The following NASP variants were observed in gnomAD, a reference collection of about 807,000 sequenced individuals.
NASP encodes the protein NASP histone chaperone.
NASP carries 24 observed loss-of-function variants against 89.5 expected under a neutral mutation model. The observed-to-expected ratio is 0.27, with a 90% CI of 0.19 to 0.38. The LOEUF is 0.38. Ranked by LOEUF, NASP falls within the 10% of genes least tolerant of loss-of-function variation. NASP has a pLI of 1.00. For missense variants in NASP, 848 were observed against 921.4 expected (o/e 0.92, Z 1.03); for synonymous variants, 306 against 324.7 (o/e 0.94, Z 0.62).
At chr1:45,599,571 G>A (rs563359118) in intron 2 of NASP, among the ~76,000 whole-genome samples, 1 of 152,164 alleles carries the variant, frequency 6.6e-6, no homozygotes, top group African/African-American at 2.4e-5. Context: ...GGGACTACAG[G>A]CACACACCAC....
chr1:45,617,958 T>C, intron 14 of NASP, 103 bp from the exon 15 acceptor site: 2 of 997,180 alleles, frequency 2.0e-6, no homozygotes, highest in African/African-American at 1.6e-5. Context: ...CAAAGCAGAG[T>C]TTGGGTGACT....
intron 6 of NASP, chr1:45,611,867 TTTTTTTTTTTG>T (rs1158954504): frequency 7.0e-6 from 1 of 143,778 alleles, no homozygotes; most frequent in Non-Finnish European, 1.5e-5. Context: ...TTTTTTTTTT[TTTTTTTTTTTG>T]AGACGGAGTC....
intron 11 of NASP, among the ~76,000 whole-genome samples, chr1:45,616,045 A>G (rs1247854109): frequency 1.3e-5 from 2 of 152,252 alleles, no homozygotes; most frequent in Non-Finnish European, 2.9e-5. Flanking sequence ...TTAATGAGGC[A>G]TTGAGAGGCA....
At chr1:45,586,097 A>G (rs1213098464) in intron 1 of NASP, among the ~76,000 whole-genome samples, 1 of 141,724 alleles carries the variant, frequency 7.1e-6, no homozygotes, top group African/African-American at 2.6e-5. Context: ...AAAGCAAACC[A>G]TTTAGTTCCT....
At chr1:45,602,117 T>TA (rs1643862367) in intron 2 of NASP, 138 bp from the exon 3 acceptor site, 1 of 994,386 alleles carries the variant, frequency 1.0e-6, no homozygotes, top group African/African-American at 1.6e-5. Context: ...TTTGTGATGG[T>TA]AAATAAGTGT....
chr1:45,606,534 G>A lies in NASP; in HGVS notation c.352G>A (p.Glu118Lys), dbSNP rs764874287. Residue 118 changes from glutamate to lysine, a missense_variant, in exon 5 of 15, where the codon GAA becomes AAA. Glu to Lys is a moderately conservative substitution (Grantham distance 56). This residue lies in a region of NASP where 464 missense variants were observed against 469.4 expected (regional missense o/e 0.99). Transcript: ENST00000350030. Reference sequence around the variant, plus strand: ...CTTGGAAGGTGTGCATGTGGAAGAGGAAGAAGGAGAAAAAACAGAAGATGA... The same window carrying A: ...CTTGGAAGGTGTGCATGTGGAAGAGAAAGAAGGAGAAAAAACAGAAGATGA... ...NALEGVHVEE[E>K]EGEKTEDESL... 24 of 1,613,658 alleles carry A rather than the reference G, an allele frequency of 1.5e-5. No homozygotes were observed. In the South Asian group the frequency reaches 2.4e-4, roughly 16 times the overall value.
intron 2 of NASP, among the ~76,000 whole-genome samples, chr1:45,594,429 C>G (rs1290762389): frequency 6.6e-6 from 1 of 152,016 alleles, no homozygotes; most frequent in African/African-American, 2.4e-5. Context: ...ACAATACTTT[C>G]AAGGGGGTTA....
intron 10 of NASP, 46 bp from the exon 11 acceptor site, chr1:45,615,259 A>G: frequency 6.2e-7 from 1 of 1,611,902 alleles, no homozygotes; most frequent in South Asian, 1.1e-5. Context: ...ACAAGGAAGA[A>G]AACAGTTCTT....
intron 1 of NASP, among the ~76,000 whole-genome samples, chr1:45,587,555 T>A (rs942826829): frequency 1.3e-5 from 2 of 150,752 alleles, no homozygotes. Context: ...TAATTTGTAT[T>A]TTATGGTAGT....
At chr1:45,614,045 A>G in intron 7 of NASP, 51 bp from the exon 8 acceptor site, 1 of 1,376,334 alleles carries the variant, frequency 7.3e-7, no homozygotes, top group Non-Finnish European at 1.0e-6. Flanking sequence ...ATACATTTAG[A>G]TTTGTATTTG....
At position 45,606,687 on chromosome 1, in the gene NASP, C is replaced by T. The variant is rs992151018; in HGVS notation, c.409+96C>T. On this transcript the variant is annotated intron_variant, in intron 5 of 14. Transcript: ENST00000350030. ...GGGCTCTACCTGTCCTGGATGGTCT[C>T]TCCTAAGATGCTTGGGGTGATGATG... The T allele has an allele frequency of 6.4e-6, 5 of 778,722 alleles. No homozygotes were observed. In the Admixed American group the frequency reaches 7.3e-5, roughly 11 times the overall value. 48.2% of individuals were successfully genotyped at this position (778,722 alleles called of 1,614,324 possible). A position where few individuals can be genotyped will look rare whatever the true frequency, so the allele number is the denominator to read the frequency against.
chr1:45,594,950 G>A (rs1043079740), intron 2 of NASP, among the ~76,000 whole-genome samples: 3 of 152,104 alleles, frequency 2.0e-5, no homozygotes, highest in Non-Finnish European at 4.4e-5. Context: ...CATTTCTCCG[G>A]TCAAGTTGTT....
At chr1:45,593,663 C>CTT (rs553586924) in intron 2 of NASP, among the ~76,000 whole-genome samples, 1 of 142,850 alleles carries the variant, frequency 7.0e-6, no homozygotes, top group Non-Finnish European at 1.5e-5. Context: ...ATGAGCTGTA[C>CTT]TTTTTTTTTT....
At chr1:45,596,876 A>G (rs987806981) in intron 2 of NASP, among the ~76,000 whole-genome samples, 1 of 152,066 alleles carries the variant, frequency 6.6e-6, no homozygotes, top group Admixed American at 6.6e-5. Context: ...CTGCTACTCA[A>G]AGTGGCTGAG....
At chr1:45,617,756 G>A (rs1644132273) in intron 14 of NASP, among the ~76,000 whole-genome samples, 165 bp downstream of exon 14, 1 of 152,154 alleles carries the variant, frequency 6.6e-6, no homozygotes, top group South Asian at 2.1e-4. Flanking sequence ...TTTGGTTATG[G>A]GAGTATAGGA....
At chr1:45,590,870 G>C (rs1171520054) in intron 1 of NASP, among the ~76,000 whole-genome samples, 1 of 152,046 alleles carries the variant, frequency 6.6e-6, no homozygotes, top group South Asian at 2.1e-4. Flanking sequence ...AAAACTATTC[G>C]ATATACATGA....
At chr1:45,603,423 G>A (rs192172283) in intron 3 of NASP, among the ~76,000 whole-genome samples, 50 of 152,150 alleles carry the variant, frequency 3.3e-4, no homozygotes, top group Admixed American at 2.8e-3. Flanking sequence ...CAGGTTTGAC[G>A]CTTAATATCA....
chr1:45,586,813 T>C (rs1037137450), intron 1 of NASP, among the ~76,000 whole-genome samples: 2 of 151,922 alleles, frequency 1.3e-5, no homozygotes, highest in South Asian at 4.2e-4. Flanking sequence ...AAATATAACT[T>C]CCAAACCAGT....
chr1:45,612,859 G>A (rs188398993), intron 6 of NASP: 1 of 202,692 alleles, frequency 4.9e-6, no homozygotes, highest in East Asian at 1.2e-4. Flanking sequence ...GGAGCTTCTA[G>A]CCATTGAATA....
Sources: allele counts gnomAD v4.1 joint callset (sites outside exome capture counted in the v4.1 genomes callset), GRCh38; gene constraint gnomAD v4.1.1; regional missense constraint gnomAD v4.1.1; transcripts MANE v1.5; gene names NCBI Gene and HGNC (gene_info 2026-07-23, HGNC 2026-07-21).